Variants in EPHA6 observed in about 807,000 individuals in gnomAD.
The protein encoded by EPHA6 is EPH receptor A6.
In EPHA6, 50 loss-of-function variants were observed where a neutral mutation model predicts 112.0. The ratio of observed to expected loss-of-function variants is 0.45; its 90% CI spans 0.36 to 0.56. The LOEUF (loss-of-function observed/expected upper bound fraction) is 0.56, where lower values mean the gene tolerates loss of function less well. Ranked by LOEUF, EPHA6 falls within the 20% of genes least tolerant of loss-of-function variation. The pLI is 0.00. For synonymous variants in EPHA6, 529 were observed against 490.7 expected (o/e 1.08, Z -1.03); for missense variants, 1,280 against 1,417.4 (o/e 0.90, Z 1.56).
At chr3:96,835,872 G>A (rs535562074) in intron 1 of EPHA6, among the ~76,000 whole-genome samples, 9 of 152,100 alleles carry the variant, frequency 5.9e-5, no homozygotes, top group South Asian at 4.1e-4. Flanking sequence ...AATGAATCTC[G>A]TCATTTCTGA....
chr3:97,059,440 A>T (rs2045950499), intron 3 of EPHA6, among the ~76,000 whole-genome samples: 1 of 152,104 alleles, frequency 6.6e-6, no homozygotes, highest in Admixed American at 6.6e-5. Flanking sequence ...TTCCTGCAAG[A>T]TGTTTGACTA....
chr3:97,157,134 G>A (rs1016497681), intron 3 of EPHA6, among the ~76,000 whole-genome samples: 45 of 152,218 alleles, frequency 3.0e-4, no homozygotes, highest in African/African-American at 1.1e-3. Flanking sequence ...TTAAGTGTTA[G>A]TGTTTTCATG....
At chr3:97,668,694 A>G (rs566048020) in intron 14 of EPHA6, among the ~76,000 whole-genome samples, 63 of 152,082 alleles carry the variant, frequency 4.1e-4, no homozygotes, top group African/African-American at 1.5e-3. Flanking sequence ...TGGGCAGATC[A>G]CTTGAGGTCA....
chr3:97,637,754 C>T, intron 13 of EPHA6, 119 bp from the exon 14 acceptor site: 2 of 744,388 alleles, frequency 2.7e-6, no homozygotes, highest in Non-Finnish European at 4.5e-6. Flanking sequence ...CAGTGATCAC[C>T]AAAGTTGATG....
rs935150518 is a variant in EPHA6 at position 96,987,638 on chromosome 3, G to A, written c.759G>A (p.Gln253=). The A allele has an allele frequency of 1.2e-6, 2 of 1,610,712 alleles. No homozygotes were observed. The highest frequency in any genetic ancestry group is 4.5e-5 in the East Asian group (2 of 44,796). Residue 253 remains glutamine, a synonymous_variant, in exon 3 of 18, where the codon CAG becomes CAA. Coordinates refer to ENST00000389672, the MANE Select transcript of EPHA6 (RefSeq NM_001080448.3). ...DTIAADESFT[Q]MDLGDRILKL... Reference sequence around the variant, plus strand: ...TTGCTGCTGATGAGAGTTTTACCCAGATGGATTTGGGTGATCGCATCCTCA... The same window carrying A: ...TTGCTGCTGATGAGAGTTTTACCCAAATGGATTTGGGTGATCGCATCCTCA...
At chr3:97,292,782 T>C (rs1371184480) in intron 5 of EPHA6, among the ~76,000 whole-genome samples, 3 of 151,438 alleles carry the variant, frequency 2.0e-5, no homozygotes, top group Non-Finnish European at 2.9e-5. Flanking sequence ...AGACCCGTGG[T>C]GGTAGCTCTT....
intron 1 of EPHA6, among the ~76,000 whole-genome samples, chr3:96,824,091 A>G (rs1576059584): frequency 6.6e-6 from 1 of 151,824 alleles, no homozygotes; most frequent in African/African-American, 2.4e-5. Flanking sequence ...TATTAAAATA[A>G]CAGCTTGCTA....
intron 2 of EPHA6, among the ~76,000 whole-genome samples, chr3:96,940,022 A>C (rs540536964): frequency 6.6e-6 from 1 of 152,164 alleles, no homozygotes; most frequent in Non-Finnish European, 1.5e-5. Flanking sequence ...TTTACTTCCA[A>C]CTATGTGGTT....
At chr3:97,643,106 TG>T (rs1358028519) in intron 14 of EPHA6, among the ~76,000 whole-genome samples, 1 of 152,166 alleles carries the variant, frequency 6.6e-6, no homozygotes, top group African/African-American at 2.4e-5. Flanking sequence ...GCAGAAACCC[TG>T]CAAGCCAGAA....
At chr3:97,301,998 G>A (rs373839586) in intron 5 of EPHA6, among the ~76,000 whole-genome samples, 3 of 151,950 alleles carry the variant, frequency 2.0e-5, no homozygotes, top group South Asian at 2.1e-4. Context: ...TTGTGTATGC[G>A]TAGTACTCTT....
At chr3:97,409,535 C>A (rs1353351969) in intron 6 of EPHA6, among the ~76,000 whole-genome samples, 1 of 152,052 alleles carries the variant, frequency 6.6e-6, no homozygotes, top group East Asian at 1.9e-4. Context: ...GCAGATGTCT[C>A]AGAAAGTCAG....
chr3:97,180,896 C>A lies in EPHA6; in HGVS notation c.1115-45368C>A, dbSNP rs74837562. ...GTATATTAGGAGCCCCGCCCCCCAA[C>A]CCCACCAGGCAACTGTCTCTGGACC... On this transcript the variant is annotated intron_variant, in intron 3 of 17. Coordinates refer to ENST00000389672, the MANE Select transcript of EPHA6 (RefSeq NM_001080448.3). 8.0e-3 allele frequency among the ~76,000 whole-genome samples: 1,209 copies of A among 151,736 alleles called. 17 individuals carry two copies. The highest frequency in any genetic ancestry group is 0.026 in the African/African-American group (1,078 of 41,420).
chr3:96,831,304 G>C (rs1258797901), intron 1 of EPHA6, among the ~76,000 whole-genome samples: 1 of 152,042 alleles, frequency 6.6e-6, no homozygotes, highest in East Asian at 1.9e-4. Context: ...GAGCAGTAAT[G>C]AAAACTTAAG....
chr3:97,183,363 C>A (rs2077041938), intron 3 of EPHA6, among the ~76,000 whole-genome samples: 1 of 152,010 alleles, frequency 6.6e-6, no homozygotes, highest in South Asian at 2.1e-4. Flanking sequence ...TGATGAGGTA[C>A]AACTATAAAT....
chr3:96,818,778 C>T (rs2033015116), intron 1 of EPHA6, among the ~76,000 whole-genome samples: 1 of 151,728 alleles, frequency 6.6e-6, no homozygotes, highest in African/African-American at 2.4e-5. Flanking sequence ...ATTAGGAACA[C>T]TGGATTACTT....
chr3:97,402,664 G>A (rs908162141), intron 5 of EPHA6, among the ~76,000 whole-genome samples: 1 of 151,824 alleles, frequency 6.6e-6, no homozygotes, highest in African/African-American at 2.4e-5. Context: ...TCTTATATGC[G>A]ACATTATTCA....
At chr3:97,002,514 A>G (rs1215569259) in intron 3 of EPHA6, among the ~76,000 whole-genome samples, 6 of 151,622 alleles carry the variant, frequency 4.0e-5, no homozygotes, top group East Asian at 3.9e-4. Context: ...TAGATGACCA[A>G]TCTGTGGTTT....
At chr3:96,892,851 A>T (rs1179072496) in intron 2 of EPHA6, among the ~76,000 whole-genome samples, 1 of 152,022 alleles carries the variant, frequency 6.6e-6, no homozygotes, top group South Asian at 2.1e-4. Context: ...GTAAATAAGG[A>T]TAAATTATCA....
rs114250478 is a variant in EPHA6, at chr3:97,353,538, A to G, written c.1607-51612A>G. Among the ~76,000 whole-genome samples, 1,190 of 152,176 alleles carry G rather than the reference A, an allele frequency of 7.8e-3. 15 individuals carry two copies. The highest frequency in any genetic ancestry group is 0.027 in the African/African-American group (1,136 of 41,534). On this transcript the variant is annotated intron_variant, in intron 5 of 17. Transcript: ENST00000389672. ...GTCCATGGGAAGAGAATCCTTCCAC[A>G]TAAGGAAAGAAGGGAGAAGAATGGG...
Sources: allele counts gnomAD v4.1 joint callset (sites outside exome capture counted in the v4.1 genomes callset), GRCh38; gene constraint gnomAD v4.1.1; transcripts MANE v1.5; gene names NCBI Gene and HGNC (gene_info 2026-07-23, HGNC 2026-07-21).